Variants in SEMA3C observed in about 807,000 individuals in gnomAD.
The protein encoded by SEMA3C is semaphorin 3C.
Under a neutral mutation model 89.4 loss-of-function variants are expected in SEMA3C, and 47 were observed. That is an observed-to-expected ratio of 0.53 (90% CI 0.42 to 0.67). The LOEUF is 0.67. Among genes scored for constraint, SEMA3C ranks in the 30% least tolerant of loss-of-function variants. The pLI is 0.00. For synonymous variants in SEMA3C, 310 were observed against 320.2 expected, an observed-to-expected ratio of 0.97 and a Z score of 0.34; for missense variants, 839 against 929.1, an observed-to-expected ratio of 0.90 and a Z score of 1.26.
At chr7:80,786,276 A>G (rs1357098809) in intron 12 of SEMA3C, among the ~76,000 whole-genome samples, 1 of 152,220 alleles carries the variant, frequency 6.6e-6, no homozygotes, top group Admixed American at 6.5e-5. Context: ...GTGCAAAAGT[A>G]TGCTTCTTAC....
At chr7:80,921,911 A>G (rs970764809), upstream of SEMA3C, among the ~76,000 whole-genome samples, 9 of 152,202 alleles carry the variant, frequency 5.9e-5, no homozygotes, top group Non-Finnish European at 8.8e-5. Flanking sequence ...TTCTGCAGCT[A>G]TACATTATCT....
intron 2 of SEMA3C, among the ~76,000 whole-genome samples, chr7:80,868,143 G>A (rs1790972553): frequency 6.6e-6 from 1 of 152,094 alleles, no homozygotes; most frequent in Admixed American, 6.6e-5. Context: ...GCTGACTTCT[G>A]GAATAGAGTA....
At chr7:80,827,342 T>C in intron 4 of SEMA3C, 83 bp downstream of exon 4, 1 of 1,358,042 alleles carries the variant, frequency 7.4e-7, no homozygotes, top group African/African-American at 1.5e-5. Flanking sequence ...TGTCTCATTT[T>C]TGGCTTCCCT....
At chr7:80,748,501 T>A (rs1787849693) in intron 17 of SEMA3C, among the ~76,000 whole-genome samples, 2 of 152,218 alleles carry the variant, frequency 1.3e-5, no homozygotes, top group Non-Finnish European at 2.9e-5. Context: ...TATAGTTCAG[T>A]GTAATTTCTT....
rs74743022 is a variant in SEMA3C, at chr7:80,787,346, C to T, written c.1354+1960G>A. Among the ~76,000 whole-genome samples the T allele has an allele frequency of 3.4e-3, 485 of 142,410 alleles. 5 individuals carry two copies. Among genetic ancestry groups the T allele is most frequent in the East Asian group, 0.032 (147 of 4,590 alleles). 93.4% of individuals were successfully genotyped at this position (142,410 alleles called of 152,430 possible). On this transcript the variant is annotated intron_variant, in intron 12 of 17. Coordinates refer to ENST00000265361, the MANE Select transcript of SEMA3C (RefSeq NM_006379.5). The stretch of plus-strand genomic sequence containing the variant: ...GGCAGAGGTTGCAGTGAGCCGAGAT[C>T]GTGCCACTGCACTCCAGCCTGGGTG...
At chr7:80,854,783 C>T (rs1423799094) in intron 2 of SEMA3C, among the ~76,000 whole-genome samples, 1 of 152,142 alleles carries the variant, frequency 6.6e-6, no homozygotes, top group African/African-American at 2.4e-5. Flanking sequence ...GCCTGAAAGA[C>T]CAAGAACAAC....
At chr7:80,787,912 G>A (rs754603584) in intron 12 of SEMA3C, among the ~76,000 whole-genome samples, 20 of 152,164 alleles carry the variant, frequency 1.3e-4, no homozygotes, top group South Asian at 2.1e-4. Context: ...TGTCCAACCC[G>A]TGGGAAAGGA....
chr7:80,853,064 A>G (rs1158519562), intron 2 of SEMA3C, among the ~76,000 whole-genome samples: 1 of 152,168 alleles, frequency 6.6e-6, no homozygotes, highest in Non-Finnish European at 1.5e-5. Context: ...CAAAACTACA[A>G]TAAGATATTA....
intron 2 of SEMA3C, among the ~76,000 whole-genome samples, chr7:80,856,327 A>T (rs560254620): frequency 1.3e-5 from 2 of 152,100 alleles, no homozygotes; most frequent in South Asian, 4.1e-4. Context: ...AACCACGTCC[A>T]CTTCTTATAT....
At chr7:80,824,429 T>G (rs879677555) in intron 4 of SEMA3C, among the ~76,000 whole-genome samples, 6 of 152,126 alleles carry the variant, frequency 3.9e-5, no homozygotes, top group East Asian at 3.9e-4. Flanking sequence ...TGAGTAGATA[T>G]TTCCCAGGCT....
At chr7:80,800,887 T>C in intron 9 of SEMA3C, 61 bp from the exon 10 acceptor site, 1 of 1,081,656 alleles carries the variant, frequency 9.2e-7, no homozygotes. Context: ...TTTTGAAAAA[T>C]TTACCCTAAG....
intron 2 of SEMA3C, among the ~76,000 whole-genome samples, chr7:80,910,726 G>A (rs896744531): frequency 1.4e-5 from 2 of 143,834 alleles, no homozygotes; most frequent in African/African-American, 5.2e-5. Flanking sequence ...CAAAGTGATA[G>A]TTTTTTTATT....
At chr7:80,868,023 T>A (rs1790969256) in intron 2 of SEMA3C, among the ~76,000 whole-genome samples, 1 of 152,180 alleles carries the variant, frequency 6.6e-6, no homozygotes, top group South Asian at 2.1e-4. Flanking sequence ...ATGACTTAAT[T>A]GTATTATGAA....
At chr7:80,800,905 T>C (rs914642185) in intron 9 of SEMA3C, 79 bp from the exon 10 acceptor site, 9 of 865,774 alleles carry the variant, frequency 1.0e-5, no homozygotes, top group South Asian at 1.9e-5. Context: ...AAGAAAATAA[T>C]TTCAACTCTG....
At chr7:80,809,517 C>G (rs1789418571) in intron 6 of SEMA3C, among the ~76,000 whole-genome samples, 1 of 152,152 alleles carries the variant, frequency 6.6e-6, no homozygotes, top group South Asian at 2.1e-4. Flanking sequence ...CCCAAAATAG[C>G]TGTACTAATT....
chr7:80,863,845 C>G (rs1450061708), intron 2 of SEMA3C, among the ~76,000 whole-genome samples: 1 of 109,158 alleles, frequency 9.2e-6, no homozygotes, highest in East Asian at 3.1e-4. Context: ...ATATATATCA[C>G]ATATCACATA....
chr7:80,790,846 G>A (rs1000933985), intron 11 of SEMA3C, among the ~76,000 whole-genome samples: 2 of 152,126 alleles, frequency 1.3e-5, no homozygotes, highest in African/African-American at 4.8e-5. Context: ...CCTATAGAAT[G>A]TAAGCTTGTG....
chr7:80,784,963 A>G (rs1023934701), intron 12 of SEMA3C, among the ~76,000 whole-genome samples: 6 of 152,196 alleles, frequency 3.9e-5, no homozygotes, highest in African/African-American at 1.4e-4. Context: ...AATGAAAACC[A>G]TAAGAAATAA....
At chr7:80,787,978 T>A (rs1157542381) in intron 12 of SEMA3C, among the ~76,000 whole-genome samples, 1 of 152,034 alleles carries the variant, frequency 6.6e-6, no homozygotes, top group Non-Finnish European at 1.5e-5. Flanking sequence ...TTTAGAAGAT[T>A]CTCAGTCTCA....
Sources: gnomAD v4.1 joint callset for allele counts (sites outside exome capture counted in the v4.1 genomes callset) on GRCh38, gnomAD v4.1.1 for gene constraint, MANE v1.5 for transcripts, NCBI Gene and HGNC (gene_info 2026-07-23, HGNC 2026-07-21) for gene names.